Variants in KLHL18 observed in about 807,000 individuals in gnomAD.
KLHL18 encodes kelch like family member 18.
Under a neutral mutation model 58.5 loss-of-function variants are expected in KLHL18, and 38 were observed. The observed-to-expected ratio is 0.65, with a 90% CI of 0.50 to 0.85. KLHL18 has a LOEUF of 0.85. Among genes scored for constraint, KLHL18 ranks in the 40% least tolerant of loss-of-function variants. KLHL18 has a pLI of 0.00. For missense variants in KLHL18, 624 were observed against 778.4 expected, an observed-to-expected ratio of 0.80 and a Z score of 2.36; for synonymous variants, 303 against 301.9, an observed-to-expected ratio of 1.00 and a Z score of -0.04.
At chr3:47,323,094 CT>C (rs199584043) in intron 3 of KLHL18, among the ~76,000 whole-genome samples, 34 of 146,428 alleles carry the variant, frequency 2.3e-4, no homozygotes, top group Admixed American at 4.8e-4. Context: ...CTTTTCTTTT[CT>C]TTTTTTTTTT....
chr3:47,315,798 A>G (rs1703407861), intron 1 of KLHL18, among the ~76,000 whole-genome samples: 1 of 152,228 alleles, frequency 6.6e-6, no homozygotes, highest in Non-Finnish European at 1.5e-5. Flanking sequence ...AGAGATAAAG[A>G]AGAAAAAAAG....
chr3:47,343,967 A>T lies in KLHL18; in HGVS notation c.*26A>T. ...GGCAGAGGATGGGATGTGGTGGGGC[A>T]GGGATCTGGTACAGACATAGGCGCT... On this transcript the variant is annotated 3_prime_UTR_variant, in exon 10 of 10. Transcript: ENST00000232766. 4 of 1,609,204 alleles carry T rather than the reference A, an allele frequency of 2.5e-6. No homozygotes were observed. Among genetic ancestry groups the T allele is most frequent in the Non-Finnish European group, 3.4e-6 (4 of 1,179,624 alleles).
intron 8 of KLHL18, 51 bp from the exon 9 acceptor site, chr3:47,342,668 C>G (rs1328834429): frequency 1.3e-6 from 2 of 1,507,474 alleles, no homozygotes; most frequent in South Asian, 2.3e-5. Context: ...CTTGAGGGAA[C>G]AAGAACCCTG....
intron 1 of KLHL18, among the ~76,000 whole-genome samples, chr3:47,290,155 C>T (rs1474229572): frequency 6.6e-6 from 1 of 152,212 alleles, no homozygotes; most frequent in African/African-American, 2.4e-5. Context: ...CTTTTACATC[C>T]TGTCAGATTA....
chr3:47,343,435 G>T (rs295457), intron 9 of KLHL18, 120 bp from the exon 10 acceptor site: 1,210,345 of 1,221,914 alleles, frequency 0.99, 600,131 homozygotes, highest in East Asian at 1. Context: ...AGAGCTCCTT[G>T]TCCCCATACC....
intron 1 of KLHL18, among the ~76,000 whole-genome samples, chr3:47,288,998 G>A (rs939205578): frequency 6.6e-6 from 1 of 152,168 alleles, no homozygotes; most frequent in Non-Finnish European, 1.5e-5. Context: ...TAGGTTTAAT[G>A]AGTTTTTCTT....
intron 1 of KLHL18, among the ~76,000 whole-genome samples, chr3:47,315,837 T>G (rs977124881): frequency 6.6e-6 from 1 of 152,004 alleles, no homozygotes; most frequent in African/African-American, 2.4e-5. Flanking sequence ...TCAGGAGAGA[T>G]TTGAGAAAAT....
rs765101727 is a variant in KLHL18 at position 47,336,649 on chromosome 3, T to G, written c.1013T>G (p.Leu338Arg). ...RVGVAVVNGL[L>R]YAIGGYDGQL... ...GGCGTGGCTGTGGTGAACGGGCTTC[T>G]CTATGCCATCGGAGGATATGACGGC... Residue 338 changes from leucine to arginine, a missense_variant, in exon 7 of 10, where the codon CTC becomes CGC. Coordinates refer to ENST00000232766, the MANE Select transcript of KLHL18 (RefSeq NM_025010.5). 1 of 1,614,244 alleles carries G rather than the reference T, an allele frequency of 6.2e-7. No individual in the cohort carries two copies. Among genetic ancestry groups the G allele is most frequent in the South Asian group, 1.1e-5 (1 of 91,088 alleles).
chr3:47,310,199 C>T (rs1364975457), intron 1 of KLHL18, among the ~76,000 whole-genome samples: 2 of 152,176 alleles, frequency 1.3e-5, no homozygotes, highest in African/African-American at 4.8e-5. Context: ...TGCTGAGCCC[C>T]ACCTGCCTGT....
chr3:47,311,508 T>C (rs76183418), intron 1 of KLHL18, among the ~76,000 whole-genome samples: 22,063 of 151,642 alleles, frequency 0.15, 2,049 homozygotes, highest in East Asian at 0.25. Context: ...CTGGCTAACA[T>C]AGTGAAACCC....
intron 1 of KLHL18, 109 bp from the exon 2 acceptor site, chr3:47,319,544 A>AGT: frequency 8.4e-7 from 1 of 1,185,680 alleles, no homozygotes; most frequent in Non-Finnish European, 1.2e-6. Flanking sequence ...TGCAGTGGGC[A>AGT]GTGGGGTATG....
intron 1 of KLHL18, among the ~76,000 whole-genome samples, chr3:47,304,999 TG>T (rs1350462619): frequency 6.6e-6 from 1 of 150,640 alleles, no homozygotes; most frequent in Non-Finnish European, 1.5e-5. Context: ...ACTCTTAACT[TG>T]GGTGACAGAG....
At chr3:47,327,018 C>T (rs1703739905) in intron 3 of KLHL18, among the ~76,000 whole-genome samples, 1 of 151,992 alleles carries the variant, frequency 6.6e-6, no homozygotes. Flanking sequence ...GCAGGCAGAT[C>T]GCCTGAGGTC....
At chr3:47,298,093 A>T (rs1702933584) in intron 1 of KLHL18, among the ~76,000 whole-genome samples, 1 of 152,062 alleles carries the variant, frequency 6.6e-6, no homozygotes, top group Non-Finnish European at 1.5e-5. Flanking sequence ...ATAAAACTGG[A>T]TGGGGGCCAG....
intron 7 of KLHL18, among the ~76,000 whole-genome samples, chr3:47,339,863 G>A (rs1408374077): frequency 6.6e-6 from 1 of 151,714 alleles, no homozygotes; most frequent in Non-Finnish European, 1.5e-5. Context: ...ACCAGCCTGG[G>A]CAACATAGCA....
intron 7 of KLHL18, among the ~76,000 whole-genome samples, chr3:47,339,618 A>G (rs1704064032): frequency 6.6e-6 from 1 of 152,224 alleles, no homozygotes; most frequent in Non-Finnish European, 1.5e-5. Context: ...TGAAAACAAC[A>G]TCTGTGAATT....
chr3:47,293,563 A>G (rs746111874), intron 1 of KLHL18, among the ~76,000 whole-genome samples: 3 of 152,212 alleles, frequency 2.0e-5, no homozygotes, highest in Non-Finnish European at 2.9e-5. Context: ...TAAGAGGTAC[A>G]TATTTAGGAG....
intron 1 of KLHL18, among the ~76,000 whole-genome samples, chr3:47,289,362 G>A (rs1420078469): frequency 6.6e-6 from 1 of 152,164 alleles, no homozygotes; most frequent in Admixed American, 6.5e-5. Context: ...TTCCATGGGT[G>A]AAAGGTACAG....
At chr3:47,326,107 C>G (rs1233182669) in intron 3 of KLHL18, among the ~76,000 whole-genome samples, 1 of 152,036 alleles carries the variant, frequency 6.6e-6, no homozygotes, top group Non-Finnish European at 1.5e-5. Flanking sequence ...GCCACCACAC[C>G]CAGCTAATTT....
Sources: gnomAD v4.1 joint callset for allele counts (sites outside exome capture counted in the v4.1 genomes callset) on GRCh38, gnomAD v4.1.1 for gene constraint, MANE v1.5 for transcripts, NCBI Gene and HGNC (gene_info 2026-07-23, HGNC 2026-07-21) for gene names.